ARID1B: variants seen among roughly 807,000 people sequenced by gnomAD.
The protein encoded by ARID1B is AT-rich interactive domain-containing protein 1B.
Under a neutral mutation model 212.3 loss-of-function variants are expected in ARID1B, and 30 were observed. The ratio of observed to expected loss-of-function variants is 0.14; its 90% CI spans 0.11 to 0.19. The LOEUF (loss-of-function observed/expected upper bound fraction) is 0.19. Among genes scored for constraint, ARID1B ranks in the 10% least tolerant of loss-of-function variants. The pLI is 1.00. For synonymous variants in ARID1B, 1,402 were observed against 1,301.7 expected, an observed-to-expected ratio of 1.08 and a Z score of -1.66; for missense variants, 2,891 against 3,204.0, an observed-to-expected ratio of 0.90 and a Z score of 2.36.
At chr6:157,082,743 C>T (rs1784717601) in intron 4 of ARID1B, among the ~76,000 whole-genome samples, 1 of 152,168 alleles carries the variant, frequency 6.6e-6, no homozygotes, top group African/African-American at 2.4e-5. Flanking sequence ...TGAACTTTTT[C>T]TAGGGGTGCT....
At chr6:157,163,374 C>T (rs1758977444) in intron 8 of ARID1B, among the ~76,000 whole-genome samples, 1 of 152,212 alleles carries the variant, frequency 6.6e-6, no homozygotes, top group South Asian at 2.1e-4. Context: ...CGGCAGCCAT[C>T]TTAGGAGTCC....
chr6:156,892,050 T>G (rs886081693), intron 2 of ARID1B, among the ~76,000 whole-genome samples: 1 of 91,606 alleles, frequency 1.1e-5, no homozygotes, highest in Middle Eastern at 4.5e-3. Flanking sequence ...TTTCTTTTTT[T>G]TTTTTTTTTC....
chr6:156,966,793 C>G (rs1188357837), intron 4 of ARID1B, among the ~76,000 whole-genome samples: 2 of 152,212 alleles, frequency 1.3e-5, no homozygotes, highest in Non-Finnish European at 2.9e-5. Flanking sequence ...CTCCGCCTTT[C>G]GGGTTCAAGC....
chr6:156,897,754 A>G (rs1229505686), intron 2 of ARID1B, among the ~76,000 whole-genome samples: 1 of 152,120 alleles, frequency 6.6e-6, no homozygotes, highest in Non-Finnish European at 1.5e-5. Flanking sequence ...TTTTTGGCCA[A>G]GGACACCGTG....
chr6:156,870,465 C>A (rs1786038047), intron 2 of ARID1B: 1 of 152,196 alleles, frequency 6.6e-6, no homozygotes, highest in African/African-American at 2.4e-5. Context: ...AAATGTCTCA[C>A]TTCAGGGCTT....
chr6:157,046,992 C>G (rs1214110892), intron 4 of ARID1B, among the ~76,000 whole-genome samples: 1 of 152,052 alleles, frequency 6.6e-6, no homozygotes, highest in Admixed American at 6.6e-5. Flanking sequence ...TGAAAAAATT[C>G]CAGCAATGCC....
At chr6:157,040,826 T>A (rs1781836929) in intron 4 of ARID1B, among the ~76,000 whole-genome samples, 1 of 152,264 alleles carries the variant, frequency 6.6e-6, no homozygotes, top group Non-Finnish European at 1.5e-5. Context: ...CTTATCTCAT[T>A]TAAAGGTAAC....
intron 2 of ARID1B, among the ~76,000 whole-genome samples, chr6:156,883,162 A>G (rs1301953576): frequency 1.3e-5 from 2 of 152,152 alleles, no homozygotes; most frequent in African/African-American, 2.4e-5. Context: ...CCCTGCATCA[A>G]ATCTTCCTCG....
intron 2 of ARID1B, among the ~76,000 whole-genome samples, chr6:156,867,066 G>C (rs1417487333): frequency 1.3e-5 from 2 of 152,172 alleles, no homozygotes; most frequent in African/African-American, 4.8e-5. Flanking sequence ...TTTCCTTGGA[G>C]TCTTCTGTGA....
chr6:156,838,978 T>C (rs543334742), intron 2 of ARID1B, among the ~76,000 whole-genome samples: 4 of 152,212 alleles, frequency 2.6e-5, no homozygotes, highest in Admixed American at 1.3e-4. Context: ...TTTCCAGACA[T>C]CTTAAGGATT....
intron 5 of ARID1B, 51 bp downstream of exon 5, chr6:157,084,956 T>C (rs765187102): frequency 1.9e-6 from 3 of 1,547,588 alleles, no homozygotes; most frequent in Non-Finnish European, 2.6e-6. Flanking sequence ...AAGAGAGATT[T>C]CATGTTCATC....
intron 2 of ARID1B, among the ~76,000 whole-genome samples, chr6:156,853,691 G>A (rs142724080): frequency 6.6e-6 from 1 of 152,248 alleles, no homozygotes; most frequent in Non-Finnish European, 1.5e-5. Flanking sequence ...GATGGCTTCT[G>A]CATCTGTCAG....
chr6:156,793,187 G>T (rs1780127676), intron 1 of ARID1B, among the ~76,000 whole-genome samples: 1 of 152,106 alleles, frequency 6.6e-6, no homozygotes, highest in African/African-American at 2.4e-5. Flanking sequence ...GGAATTCTGT[G>T]ATTGGAGAAG....
intron 4 of ARID1B, among the ~76,000 whole-genome samples, chr6:157,004,918 T>TTTTTTTTTTTTTTTTTTTTTC (rs1779148461): frequency 7.9e-6 from 1 of 126,294 alleles, no homozygotes; most frequent in African/African-American, 3.2e-5. Flanking sequence ...TTTTTTTTTT[T>TTTTTTTTTTTTTTTTTTTTTC]TTTTTTTTTT....
At chr6:156,792,017 TA>T (rs975999759) in intron 1 of ARID1B, among the ~76,000 whole-genome samples, 3 of 151,906 alleles carry the variant, frequency 2.0e-5, no homozygotes, top group African/African-American at 7.3e-5. Context: ...CAGAAATCTT[TA>T]AAAAAAAGGA....
intron 4 of ARID1B, among the ~76,000 whole-genome samples, chr6:157,028,508 CAT>C (rs750202642): frequency 1.2e-4 from 19 of 152,290 alleles, no homozygotes; most frequent in East Asian, 5.8e-4. Flanking sequence ...GATACATACA[CAT>C]GTGTTGCATT....
rs376595068 is a variant in ARID1B, at chr6:156,935,512, C to T, written c.2183C>T (p.Ala728Val). Residue 728 changes from alanine (A) to valine (V), a missense_variant, in exon 4 of 20, where the codon GCC becomes GTC. By Grantham distance (64) the Ala-to-Val change is moderately conservative. Around this residue, in one of 7 missense-constraint regions of ARID1B, gnomAD observed 1,643 missense variants for 1,544.0 expected, o/e 1.06. Coordinates refer to ENST00000636930, the MANE Select transcript of ARID1B (RefSeq NM_001374828.1). ...GYGTRSQPPL[A>V]PGKPNHEDLN... The stretch of plus-strand genomic sequence containing the variant: ...GGAACTAGATCTCAACCTCCTCTGG[C>T]CCCCGGAAAACCTAACCATGAAGAC... 2.5e-6 allele frequency: 4 copies of T among 1,613,694 alleles called. No homozygotes were observed. The highest frequency in any genetic ancestry group is 3.4e-6 in the Non-Finnish European group (4 of 1,179,834).
chr6:157,099,909 C>T (rs895073249), intron 5 of ARID1B, among the ~76,000 whole-genome samples: 3 of 152,074 alleles, frequency 2.0e-5, no homozygotes, highest in African/African-American at 4.8e-5. Flanking sequence ...CTTCATGGCT[C>T]GGGAGTATCC....
At chr6:157,048,989 C>T (rs373555380) in intron 4 of ARID1B, among the ~76,000 whole-genome samples, 1 of 152,056 alleles carries the variant, frequency 6.6e-6, no homozygotes, top group South Asian at 2.1e-4. Flanking sequence ...GCCTAGCCAA[C>T]ATGGTAAAGC....
Sources: allele counts gnomAD v4.1 joint callset (sites outside exome capture counted in the v4.1 genomes callset), GRCh38; gene constraint gnomAD v4.1.1; regional missense constraint gnomAD v4.1.1; transcripts MANE v1.5; gene names NCBI Gene and HGNC (gene_info 2026-07-23, HGNC 2026-07-21).